CPLX1: variants seen among roughly 807,000 people sequenced by gnomAD.
The protein encoded by CPLX1 is complexin-1.
CPLX1 carries 6 observed loss-of-function variants against 15.6 expected under a neutral mutation model. That is an observed-to-expected ratio of 0.39 (90% CI 0.21 to 0.76). The LOEUF is 0.76. CPLX1 is among the 30% of genes least tolerant of loss of function. The pLI is 0.43. For synonymous variants in CPLX1, 91 were observed against 75.2 expected (o/e 1.21, Z -1.08); for missense variants, 242 against 188.6 (o/e 1.28, Z -1.66).
In CPLX1 at chr4:784,998, G is replaced by A. The variant is rs935208230; in HGVS notation, c.*1503C>T. ...TATTGGCTGTGATTCCATCCGGAGA[G>A]AACACACGCAGGGGCCCCGACATGC... On this transcript the variant is annotated 3_prime_UTR_variant, in exon 4 of 4. Transcript: ENST00000304062. 6.6e-6 allele frequency: 1 copy of A among 152,318 alleles called. No homozygotes were observed. The highest frequency in any genetic ancestry group is 2.4e-5 in the African/African-American group (1 of 41,470). The allele number at this position is 152,318 out of a possible 1,614,324, so 9.4% of individuals were successfully genotyped here. A position where few individuals can be genotyped will look rare whatever the true frequency, so the allele number is the denominator to read the frequency against.
intron 2 of CPLX1, among the ~76,000 whole-genome samples, chr4:813,926 G>A (rs1161988719): frequency 6.6e-6 from 1 of 152,212 alleles, no homozygotes; most frequent in Non-Finnish European, 1.5e-5. Flanking sequence ...TGTGCATCCA[G>A]GGAAAGTCTC....
intron 3 of CPLX1, chr4:788,422 C>T: frequency 1.0e-6 from 1 of 985,340 alleles, no homozygotes; most frequent in Non-Finnish European, 1.2e-6. Flanking sequence ...ACCACCTGGC[C>T]ACTGAGGAGA....
rs375827242 is a variant in CPLX1 at position 795,281 on chromosome 4, C to T, written c.32-2673G>A. Among the ~76,000 whole-genome samples, 25 of 152,388 alleles carry T rather than the reference C, an allele frequency of 1.6e-4. No individual in the cohort carries two copies. In the South Asian group the frequency reaches 2.7e-3, roughly 16 times the overall value. On this transcript the variant is annotated intron_variant, in intron 2 of 3. Transcript: ENST00000304062. ...GTGCCATTTGCTCTCCCGGCACAGA[C>T]GCCGGAGCGGCGAGACCGGCGCAGA...
In CPLX1 at chr4:807,994, G is replaced by A. The variant is rs185537340; in HGVS notation, c.32-15386C>T. Among the ~76,000 whole-genome samples the A allele has an allele frequency of 9.2e-5, 14 of 152,320 alleles. No homozygotes were observed. The East Asian group carries it at 2.5e-3, about 27-fold the overall frequency. ...AGGAATAAAAAATCCTTGGCTGGGT[G>A]CGGCGGTCACACCTGTCATCCCAGC... On this transcript the variant is annotated intron_variant, in intron 2 of 3. Coordinates refer to ENST00000304062, the MANE Select transcript of CPLX1 (RefSeq NM_006651.4).
At position 786,466 on chromosome 4, in the gene CPLX1, G is replaced by C; in HGVS notation, c.*35C>G. On this transcript the variant is annotated 3_prime_UTR_variant, in exon 4 of 4. Coordinates refer to ENST00000304062, the MANE Select transcript of CPLX1 (RefSeq NM_006651.4). The stretch of plus-strand genomic sequence containing the variant: ...CCGCGGAGGATCTGTAGGGGGAGGG[G>C]CGGGGGCTCCGCGGGGCCGCTGTCC... 1 of 1,516,544 alleles carries C rather than the reference G, an allele frequency of 6.6e-7. No homozygotes were observed. Among genetic ancestry groups the C allele is most frequent in the Non-Finnish European group, 8.9e-7 (1 of 1,127,550 alleles). 93.9% of individuals were successfully genotyped at this position (1,516,544 alleles called of 1,614,324 possible).
rs927016732 is a variant in CPLX1 at position 821,394 on chromosome 4, C to T, written c.31+3098G>A. Among the ~76,000 whole-genome samples, 4 of 152,214 alleles carry T rather than the reference C, an allele frequency of 2.6e-5. No individual in the cohort carries two copies. In the East Asian group the frequency reaches 7.7e-4, roughly 29 times the overall value. ...CTCTCCGCACATGCATCCTCCAAGC[C>T]GTGTCCCACCTGAAGCCCCGGCCCG... is the stretch of plus-strand genomic sequence containing the variant. On this transcript the variant is annotated intron_variant, in intron 2 of 3. Coordinates refer to ENST00000304062, the MANE Select transcript of CPLX1 (RefSeq NM_006651.4).
At chr4:807,634 C>A (rs954829544) in intron 2 of CPLX1, among the ~76,000 whole-genome samples, 1 of 151,994 alleles carries the variant, frequency 6.6e-6, no homozygotes, top group Non-Finnish European at 1.5e-5. Flanking sequence ...GCCACCATGC[C>A]CGGCCAATTT....
At chr4:788,802 C>T (rs896775617) in intron 3 of CPLX1, among the ~76,000 whole-genome samples, 4 of 152,206 alleles carry the variant, frequency 2.6e-5, no homozygotes, top group Non-Finnish European at 5.9e-5. Flanking sequence ...GTGCATGTGG[C>T]GGCAACATGT....
chr4:815,460 A>G (rs1436782203), intron 2 of CPLX1, among the ~76,000 whole-genome samples: 4 of 151,770 alleles, frequency 2.6e-5, no homozygotes, highest in Admixed American at 1.3e-4. Flanking sequence ...AGACTTTATA[A>G]GAAGTGTAAT....
chr4:817,514 G>A (rs1421804531), intron 2 of CPLX1, among the ~76,000 whole-genome samples: 4 of 151,572 alleles, frequency 2.6e-5, no homozygotes, highest in Admixed American at 1.3e-4. Context: ...CTGAGATTGC[G>A]CCACTGCACT....
At chr4:813,981 G>C (rs932638527) in intron 2 of CPLX1, among the ~76,000 whole-genome samples, 3 of 152,246 alleles carry the variant, frequency 2.0e-5, no homozygotes, top group African/African-American at 7.2e-5. Flanking sequence ...AAAGGAGCTT[G>C]TAACAAAATG....
At chr4:817,069 A>G (rs1259839965) in intron 2 of CPLX1, among the ~76,000 whole-genome samples, 1 of 152,192 alleles carries the variant, frequency 6.6e-6, no homozygotes. Context: ...AAAGGCAACA[A>G]CAAAGATGAC....
At chr4:786,865 G>T (rs990181272) in intron 3 of CPLX1, 167 bp from the exon 4 acceptor site, 11 of 983,942 alleles carry the variant, frequency 1.1e-5, no homozygotes, top group Non-Finnish European at 1.2e-5. Flanking sequence ...ACCCCGGGGG[G>T]TCCCTGGAGG....
chr4:820,292 A>G (rs6832751), intron 2 of CPLX1, among the ~76,000 whole-genome samples: 114,929 of 151,964 alleles, frequency 0.76, 44,031 homozygotes, highest in African/African-American at 0.86. Context: ...AGAGAGCCTG[A>G]TCAGTGGCCC....
chr4:805,123 C>T (rs530635865), intron 2 of CPLX1, among the ~76,000 whole-genome samples: 59 of 152,332 alleles, frequency 3.9e-4, no homozygotes, highest in African/African-American at 1.4e-3. Flanking sequence ...ACAGGGAAGC[C>T]CGGGGCCTGG....
chr4:788,286 C>T lies in CPLX1; in HGVS notation c.208-1588G>A, dbSNP rs1746062237. 4 of 985,210 alleles carry T rather than the reference C, an allele frequency of 4.1e-6. No individual in the cohort carries two copies. The South Asian group carries it at 1.4e-4, about 35-fold the overall frequency. The allele number at this position is 985,210 out of a possible 1,614,324, so 61.0% of individuals were successfully genotyped here. A position where few individuals can be genotyped will look rare whatever the true frequency, so the allele number is the denominator to read the frequency against. On this transcript the variant is annotated intron_variant, in intron 3 of 3. Coordinates refer to ENST00000304062, the MANE Select transcript of CPLX1 (RefSeq NM_006651.4). ...CTGCCTGTGTGCTCCCCAACCCCACCGAGGGCAGTCTCGGCACCTCTCCCC... is the reference window on the plus strand; with the variant it reads ...CTGCCTGTGTGCTCCCCAACCCCACTGAGGGCAGTCTCGGCACCTCTCCCC...
chr4:786,525 C>T lies in CPLX1; in HGVS notation c.381G>A (p.Pro127=), dbSNP rs756803150. 2.5e-6 allele frequency: 4 copies of T among 1,599,446 alleles called. No homozygotes were observed. Among genetic ancestry groups the T allele is most frequent in the African/African-American group, 1.3e-5 (1 of 74,454 alleles). The stretch of plus-strand genomic sequence containing the variant: ...GCTACTTCTTGAGCATGTCCTGCAG[C>T]GGCCCGGGCAGGTACTTGATGACGG... ...LDTVIKYLPG[P]LQDMLKK Residue 127 remains proline (P), a synonymous_variant, in exon 4 of 4, where the codon CCG becomes CCA. Transcript: ENST00000304062.
Position 804,220 on chromosome 4 carries a change from C to T in CPLX1, c.32-11612G>A, listed in dbSNP as rs141923244. The stretch of plus-strand genomic sequence containing the variant: ...GTTATAAAAGAAGACAGCCAATTAT[C>T]TCTTTCTCCGTCTCTCCCACCTCTC... On this transcript the variant is annotated intron_variant, in intron 2 of 3. Transcript: ENST00000304062. 5.3e-5 allele frequency among the ~76,000 whole-genome samples: 8 copies of T among 152,346 alleles called. No homozygotes were observed. In the East Asian group the frequency reaches 1.5e-3, roughly 29 times the overall value.
At chr4:822,761 C>T (rs1746896031) in intron 2 of CPLX1, among the ~76,000 whole-genome samples, 1 of 152,202 alleles carries the variant, frequency 6.6e-6, no homozygotes, top group South Asian at 2.1e-4. Context: ...CATCCTGAGA[C>T]AGCAACAATG....
Sources: allele counts gnomAD v4.1 joint callset (sites outside exome capture counted in the v4.1 genomes callset), GRCh38; gene constraint gnomAD v4.1.1; transcripts MANE v1.5; gene names NCBI Gene and HGNC (gene_info 2026-07-23, HGNC 2026-07-21).